Variants in SETD3 observed in about 807,000 individuals in gnomAD.
SETD3 encodes the protein SET domain containing 3, actin N3(tau)-histidine methyltransferase, also known as actin-histidine N-methyltransferase.
SETD3 carries 19 observed loss-of-function variants against 63.0 expected under a neutral mutation model. The ratio of observed to expected loss-of-function variants is 0.30; its 90% confidence interval spans 0.21 to 0.44. SETD3 has a LOEUF of 0.44. Among genes scored for constraint, SETD3 ranks in the 20% least tolerant of loss-of-function variants. The pLI, the probability that SETD3 is intolerant of heterozygous loss-of-function variation, is 1.00. For missense variants in SETD3, 587 were observed against 728.5 expected (o/e 0.81, Z 2.24); for synonymous variants, 286 against 264.1 (o/e 1.08, Z -0.80).
intron 6 of SETD3, among the ~76,000 whole-genome samples, chr14:99,437,553 C>T (rs1170475395): frequency 6.6e-6 from 1 of 152,196 alleles, no homozygotes; most frequent in Non-Finnish European, 1.5e-5. Context: ...CACCTAACGA[C>T]GTTCTTCACA....
rs566109746 is a variant in SETD3 at position 99,440,513 on chromosome 14, C to A, written c.675+17766G>T. On this transcript the variant is annotated intron_variant, in intron 6 of 12. Transcript: ENST00000331768. Reference sequence around the variant, plus strand: ...CACAGCCTCCGGTGTCTACATCATGCGCAGGGGAGGGCGATTCACTGGAAC... The same window carrying A: ...CACAGCCTCCGGTGTCTACATCATGAGCAGGGGAGGGCGATTCACTGGAAC... Among the ~76,000 whole-genome samples, 4 of 152,228 alleles carry A rather than the reference C, an allele frequency of 2.6e-5. No homozygotes were observed. In the East Asian group the frequency reaches 7.7e-4, roughly 29 times the overall value.
chr14:99,437,898 T>C (rs1202412375), intron 6 of SETD3, among the ~76,000 whole-genome samples: 1 of 152,206 alleles, frequency 6.6e-6, no homozygotes, highest in Non-Finnish European at 1.5e-5. Flanking sequence ...ACCAGCTAAC[T>C]GTACATAAGC....
intron 8 of SETD3, among the ~76,000 whole-genome samples, chr14:99,409,196 T>C (rs1022961858): frequency 2.6e-5 from 4 of 152,112 alleles, no homozygotes; most frequent in Non-Finnish European, 5.9e-5. Context: ...TCTACAATAC[T>C]GAGTGCCATA....
intron 6 of SETD3, among the ~76,000 whole-genome samples, chr14:99,455,086 T>C (rs553249531): frequency 9.8e-5 from 15 of 152,386 alleles, no homozygotes; most frequent in East Asian, 1.9e-4. Context: ...AAATGAACTA[T>C]ACAATACAGG....
At chr14:99,475,160 C>A (rs1160663573) in intron 1 of SETD3, among the ~76,000 whole-genome samples, 2 of 152,080 alleles carry the variant, frequency 1.3e-5, no homozygotes, top group Non-Finnish European at 2.9e-5. Flanking sequence ...AAGAAATTAC[C>A]TTCAAACCAC....
chr14:99,470,322 G>A (rs1318621963), intron 1 of SETD3, among the ~76,000 whole-genome samples: 2 of 152,228 alleles, frequency 1.3e-5, no homozygotes, highest in Non-Finnish European at 1.5e-5. Context: ...AGATGCTAAA[G>A]AGTTGGCTTA....
intron 8 of SETD3, chr14:99,410,398 G>A (rs908472260): frequency 2.3e-4 from 177 of 782,340 alleles, no homozygotes; most frequent in Non-Finnish European, 3.2e-4. Context: ...CCCTGAAAAA[G>A]AACTTCCCTC....
Position 99,404,216 on chromosome 14 carries a change from A to G in SETD3, c.1177+9T>C, listed in dbSNP as rs1314049222. On this transcript the variant is annotated intron_variant, in intron 11 of 12. Coordinates refer to ENST00000331768, the MANE Select transcript of SETD3 (RefSeq NM_032233.3). Reference sequence around the variant, plus strand: ...AAGTCAACATCTCTTTTTTCCTGAAATGACTTACCTTCAGTCATACAGAAT... The same window carrying G: ...AAGTCAACATCTCTTTTTTCCTGAAGTGACTTACCTTCAGTCATACAGAAT... 6.2e-7 allele frequency: 1 copy of G among 1,608,950 alleles called. No individual in the cohort carries two copies. Among genetic ancestry groups the G allele is most frequent in the Admixed American group, 1.7e-5 (1 of 59,266 alleles).
At chr14:99,400,713 C>T (rs1029191387) in intron 11 of SETD3, among the ~76,000 whole-genome samples, 4 of 152,184 alleles carry the variant, frequency 2.6e-5, no homozygotes, top group Non-Finnish European at 5.9e-5. Context: ...AAGCCCATAA[C>T]TGTAAATCTG....
chr14:99,439,247 C>T (rs1413845277), intron 6 of SETD3, among the ~76,000 whole-genome samples: 1 of 152,218 alleles, frequency 6.6e-6, no homozygotes, highest in Non-Finnish European at 1.5e-5. Context: ...GGCTGCTCTT[C>T]TCAAGTTCTT....
intron 6 of SETD3, among the ~76,000 whole-genome samples, chr14:99,440,895 T>A (rs1566711488): frequency 6.6e-6 from 1 of 151,732 alleles, no homozygotes; most frequent in Non-Finnish European, 1.5e-5. Flanking sequence ...AGATGCTCGA[T>A]TAAATCTAAT....
At chr14:99,435,743 C>A (rs1270132017) in intron 6 of SETD3, among the ~76,000 whole-genome samples, 3 of 109,926 alleles carry the variant, frequency 2.7e-5, no homozygotes, top group Non-Finnish European at 5.2e-5. Context: ...CACCCCCCCA[C>A]CTTTTTTTTT....
intron 6 of SETD3, among the ~76,000 whole-genome samples, chr14:99,447,807 T>C (rs1302904784): frequency 3.3e-5 from 5 of 152,022 alleles, no homozygotes; most frequent in Non-Finnish European, 5.9e-5. Flanking sequence ...AAAAAGCAAA[T>C]AGGCTTATTA....
intron 11 of SETD3, among the ~76,000 whole-genome samples, chr14:99,403,337 T>C (rs539505749): frequency 6.6e-6 from 1 of 152,224 alleles, no homozygotes; most frequent in South Asian, 2.1e-4. Flanking sequence ...TCCAGAACAC[T>C]TGTTCGTCTG....
chr14:99,444,845 A>C (rs1320093907), intron 6 of SETD3, among the ~76,000 whole-genome samples: 1 of 152,196 alleles, frequency 6.6e-6, no homozygotes. Context: ...AAAAAAAAAA[A>C]AACAACTTGA....
intron 6 of SETD3, 35 bp from the exon 7 acceptor site, chr14:99,413,969 A>C (rs745926909): frequency 6.3e-7 from 1 of 1,577,478 alleles, no homozygotes; most frequent in East Asian, 2.2e-5. Flanking sequence ...CAGAGGTGAA[A>C]AGAGAAAAAG....
rs1411577516 is a variant in SETD3 at position 99,458,387 on chromosome 14, A to C, written c.567T>G (p.Phe189Leu). Reference sequence around the variant, plus strand: ...GAAGATACCGAACTTCATCTTCTTCAAAGTAGAGAGGAGTGTCATATTCAC... The same window carrying C: ...GAAGATACCGAACTTCATCTTCTTCCAAGTAGAGAGGAGTGTCATATTCAC... ...LPSEYDTPLYFEEDEVRYLQS... is the reference protein window; with the variant it reads ...LPSEYDTPLYLEEDEVRYLQS... Residue 189 changes from phenylalanine (F) to leucine (L), a missense_variant, in exon 6 of 13, where the codon TTT (phenylalanine) becomes TTG (leucine). By Grantham distance (22) the Phe-to-Leu change is conservative (BLOSUM62 0). Transcript: ENST00000331768. 6.2e-7 allele frequency: 1 copy of C among 1,614,134 alleles called. No individual in the cohort carries two copies. The highest frequency in any genetic ancestry group is 1.7e-5 in the Admixed American group (1 of 60,012).
At chr14:99,429,071 T>C (rs946177592) in intron 6 of SETD3, among the ~76,000 whole-genome samples, 1 of 152,172 alleles carries the variant, frequency 6.6e-6, no homozygotes, top group Non-Finnish European at 1.5e-5. Flanking sequence ...CATATGACTA[T>C]TAGTCAAGAT....
chr14:99,476,011 G>A (rs1157663679), intron 1 of SETD3, among the ~76,000 whole-genome samples: 2 of 152,198 alleles, frequency 1.3e-5, no homozygotes, highest in African/African-American at 4.8e-5. Context: ...CATGTCCTGT[G>A]TCCTATGGAA....
Sources: allele counts gnomAD v4.1 joint callset (sites outside exome capture counted in the v4.1 genomes callset), GRCh38; gene constraint gnomAD v4.1.1; transcripts MANE v1.5; gene names NCBI Gene and HGNC (gene_info 2026-07-23, HGNC 2026-07-21).